Variants in GSE1 observed in about 807,000 individuals in gnomAD.
The protein encoded by GSE1 is genetic suppressor element 1.
In GSE1, 32 loss-of-function variants were observed where a neutral mutation model predicts 112.6. The ratio of observed to expected loss-of-function variants is 0.28; its 90% CI spans 0.21 to 0.38. The LOEUF is 0.38. Among genes scored for constraint, GSE1 ranks in the 10% least tolerant of loss-of-function variants. The probability of loss-of-function intolerance (pLI) is 1.00; values close to 1 mark genes in which losing one functional copy is unlikely to be tolerated. For missense variants in GSE1, 2,348 were observed against 1,699.2 expected (o/e 1.38, Z -6.71); for synonymous variants, 1,115 against 735.6 (o/e 1.52, Z -8.35).
At chr16:85,625,802 G>A (rs1054857962) in intron 1 of GSE1, among the ~76,000 whole-genome samples, 13 of 152,178 alleles carry the variant, frequency 8.5e-5, no homozygotes, top group African/African-American at 2.4e-4. Flanking sequence ...GGCTCATTGC[G>A]GGTGGCTCTA....
chr16:85,463,250 C>T (rs973643733), intron 2 of GSE1: 4 of 281,752 alleles, frequency 1.4e-5, no homozygotes, highest in Non-Finnish European at 2.1e-5. Context: ...GCCCTCCAGC[C>T]CCATCACCTT....
intron 1 of GSE1, among the ~76,000 whole-genome samples, chr16:85,334,022 C>G (rs1470515211): frequency 6.6e-6 from 1 of 152,240 alleles, no homozygotes; most frequent in Non-Finnish European, 1.5e-5. Flanking sequence ...CACCGTCTGT[C>G]CTCCAGGGCG....
At position 85,301,442 on chromosome 16, in the gene GSE1, C is replaced by T. The variant is rs2045523035; in HGVS notation, c.2284-56021C>T. Reference sequence around the variant, plus strand: ...TGATCTCCTGTTAAAAGTCTGCCAGCAGACACAGGCTCCTGCCCTCACCTG... The same window carrying T: ...TGATCTCCTGTTAAAAGTCTGCCAGTAGACACAGGCTCCTGCCCTCACCTG... On this transcript the variant is annotated intron_variant, in intron 1 of 2. Coordinates refer to the GSE1 transcript ENST00000637419. Among the ~76,000 whole-genome samples the T allele has an allele frequency of 2.0e-5, 3 of 152,202 alleles. No homozygotes were observed. In the South Asian group the frequency reaches 6.2e-4, roughly 32 times the overall value.
intron 2 of GSE1, among the ~76,000 whole-genome samples, chr16:85,442,005 A>G (rs2049387002): frequency 6.6e-6 from 1 of 152,166 alleles, no homozygotes. Flanking sequence ...GTCCAGCTTC[A>G]TCTCCACCTC....
At chr16:85,566,453 A>T (rs2045750808) in intron 1 of GSE1, among the ~76,000 whole-genome samples, 2 of 152,208 alleles carry the variant, frequency 1.3e-5, no homozygotes, top group Admixed American at 6.5e-5. Flanking sequence ...CATGTAAGGA[A>T]AGCCGAACTG....
chr16:85,211,707 G>A (rs2075228940), intron 1 of GSE1, among the ~76,000 whole-genome samples: 1 of 152,202 alleles, frequency 6.6e-6, no homozygotes, highest in Non-Finnish European at 1.5e-5. Context: ...GTGTGGGCCA[G>A]GGTGCCCCAT....
At chr16:85,382,876 C>T (rs1483542762) in intron 2 of GSE1, among the ~76,000 whole-genome samples, 1 of 149,408 alleles carries the variant, frequency 6.7e-6, no homozygotes, top group Non-Finnish European at 1.5e-5. Flanking sequence ...CACACATGCA[C>T]ACACACCGTG....
At chr16:85,185,992 G>C (rs1366034730) in intron 1 of GSE1, among the ~76,000 whole-genome samples, 1 of 152,226 alleles carries the variant, frequency 6.6e-6, no homozygotes, top group African/African-American at 2.4e-5. Context: ...GGGCCTTACT[G>C]TGTGCCAGAT....
intron 1 of GSE1, among the ~76,000 whole-genome samples, chr16:85,181,875 T>C (rs1252621748): frequency 6.6e-6 from 1 of 152,196 alleles, no homozygotes; most frequent in East Asian, 1.9e-4. Context: ...GGCGGGGCCT[T>C]GCCACAGCTG....
chr16:85,566,389 G>A (rs34337282), intron 1 of GSE1, among the ~76,000 whole-genome samples: 21,789 of 152,246 alleles, frequency 0.14, 1,764 homozygotes, highest in Admixed American at 0.2. Context: ...AATAAGTAAA[G>A]AAGAAACGGA....
intron 1 of GSE1, among the ~76,000 whole-genome samples, chr16:85,565,329 T>A (rs1434336972): frequency 4.0e-5 from 6 of 149,908 alleles, no homozygotes; most frequent in Non-Finnish European, 3.0e-5. Context: ...GAGCGGAGGT[T>A]GCAGTGAGAC....
In GSE1 at chr16:85,183,434, A is replaced by G. The variant is rs1260912582; in HGVS notation, c.2283+11627A>G. Among the ~76,000 whole-genome samples the G allele has an allele frequency of 2.6e-5, 4 of 151,988 alleles. No individual in the cohort carries two copies. The East Asian group carries it at 5.8e-4, about 22-fold the overall frequency. On this transcript the variant is annotated intron_variant, in intron 1 of 2. Transcript: ENST00000637419. Reference sequence around the variant, plus strand: ...AGGTGGGCACAGTGGCTGGGGAGGAAAGGTACAGGGTGGGGTTGGAGAGGC... The same window carrying G: ...AGGTGGGCACAGTGGCTGGGGAGGAGAGGTACAGGGTGGGGTTGGAGAGGC...
At chr16:85,302,492 G>A (rs959641143) in intron 1 of GSE1, among the ~76,000 whole-genome samples, 5 of 150,908 alleles carry the variant, frequency 3.3e-5, no homozygotes, top group African/African-American at 9.8e-5. Context: ...CTGCTATCAA[G>A]GCTCTTCTTG....
At chr16:85,246,200 T>TACACACACACAC (rs545313239) in intron 1 of GSE1, among the ~76,000 whole-genome samples, 33 of 89,118 alleles carry the variant, frequency 3.7e-4, no homozygotes, top group African/African-American at 1.3e-3. Context: ...TCAGGGACCC[T>TACACACACACAC]ACACACACAC....
rs1041574272 is a variant in GSE1 at position 85,670,876 on chromosome 16, G to T, written c.3416-119G>T. ...ATTGTGGTCCACAGGAGAGGCCTTC[G>T]CTGGCTGCACTGGAGAGAGGTTTTG... is the stretch of plus-strand genomic sequence containing the variant. On this transcript the variant is annotated intron_variant, in intron 14 of 15. Coordinates refer to ENST00000253458, the MANE Select transcript of GSE1 (RefSeq NM_014615.5). 3 of 664,388 alleles carry T rather than the reference G, an allele frequency of 4.5e-6. No individual in the cohort carries two copies. In the South Asian group the frequency reaches 5.3e-5, roughly 12 times the overall value. 41.2% of individuals were successfully genotyped at this position (664,388 alleles called of 1,614,324 possible).
chr16:85,341,100 C>T (rs990765352), intron 1 of GSE1, among the ~76,000 whole-genome samples: 1 of 152,200 alleles, frequency 6.6e-6, no homozygotes, highest in Non-Finnish European at 1.5e-5. Flanking sequence ...ATTCTTCCAT[C>T]CACTGAATTG....
chr16:85,497,189 A>G (rs892694306), intron 2 of GSE1, among the ~76,000 whole-genome samples: 1 of 152,318 alleles, frequency 6.6e-6, no homozygotes, highest in African/African-American at 2.4e-5. Context: ...GTGAGCCACC[A>G]TGCCTGGCCC....
chr16:85,393,771 G>C (rs1299053627), intron 2 of GSE1, among the ~76,000 whole-genome samples: 1 of 152,222 alleles, frequency 6.6e-6, no homozygotes, highest in Non-Finnish European at 1.5e-5. Flanking sequence ...GCCCTGCCCA[G>C]ACCCCCTCTA....
At chr16:85,616,873 G>A (rs186238919) in intron 1 of GSE1, among the ~76,000 whole-genome samples, 27 of 152,294 alleles carry the variant, frequency 1.8e-4, no homozygotes, top group African/African-American at 6.0e-4. Flanking sequence ...GAATCCAGCC[G>A]TGTGCTTGCT....
Sources: gnomAD v4.1 joint callset for allele counts (sites outside exome capture counted in the v4.1 genomes callset) on GRCh38, gnomAD v4.1.1 for gene constraint, MANE v1.5 for transcripts, NCBI Gene and HGNC (gene_info 2026-07-23, HGNC 2026-07-21) for gene names.